The following MIS18A variants were observed in gnomAD, a reference collection of about 807,000 sequenced individuals.
MIS18A encodes protein Mis18-alpha.
In MIS18A, 14 loss-of-function variants were observed where a neutral mutation model predicts 25.0. That is an observed-to-expected ratio of 0.56 (90% CI 0.37 to 0.88). The LOEUF is 0.88. Among genes scored for constraint, MIS18A ranks in the 40% least tolerant of loss-of-function variants. The pLI is 0.00. For missense variants in MIS18A, 292 were observed against 290.8 expected, an observed-to-expected ratio of 1.00 and a Z score of -0.03; for synonymous variants, 134 against 118.6, an observed-to-expected ratio of 1.13 and a Z score of -0.84.
At chr21:32,272,322 C>A (rs1435095297) in intron 2 of MIS18A, among the ~76,000 whole-genome samples, 2 of 152,220 alleles carry the variant, frequency 1.3e-5, no homozygotes, top group Non-Finnish European at 2.9e-5. Flanking sequence ...TGACCATCAG[C>A]AGAAAGGCTC....
the MIS18A span, among the ~76,000 whole-genome samples, chr21:32,212,125 G>A: frequency 2.0e-5 from 3 of 152,318 alleles, no homozygotes; most frequent in Non-Finnish European, 4.4e-5. Flanking sequence ...GCAGGACAGA[G>A]GTGAGTTAAG....
Position 32,268,847 on chromosome 21 carries a change from G to C in MIS18A, c.*190C>G. The C allele has an allele frequency of 2.3e-6, 1 of 436,874 alleles. No individual in the cohort carries two copies. The highest frequency in any genetic ancestry group is 6.9e-5 in the South Asian group (1 of 14,460). The allele number at this position is 436,874 out of a possible 1,614,324, so 27.1% of individuals were successfully genotyped here. ...CTGTTGCCCAGACTAGAACACAGTAGTGGCATGACCAAGGCTCACTGCAGC... is the reference window on the plus strand; with the variant it reads ...CTGTTGCCCAGACTAGAACACAGTACTGGCATGACCAAGGCTCACTGCAGC... On this transcript the variant is annotated 3_prime_UTR_variant, in exon 5 of 5. Transcript: ENST00000290130.
rs760258702 is a variant in MIS18A at position 32,269,706 on chromosome 21, C to G, written c.621+1G>C. The G allele has an allele frequency of 6.6e-7, 1 of 1,526,112 alleles. No homozygotes were observed. Among genetic ancestry groups the G allele is most frequent in the Non-Finnish European group, 9.1e-7 (1 of 1,100,612 alleles). 94.5% of individuals were successfully genotyped at this position (1,526,112 alleles called of 1,614,324 possible). ...ATATAAAATGTACAGAATAAAATTA[C>G]CTGTGTTAGAGACTTTTCTATTTCA... On this transcript the variant is annotated splice_donor_variant, in intron 4 of 4. Coordinates refer to ENST00000290130, the MANE Select transcript of MIS18A (RefSeq NM_018944.3). LOFTEE classifies it high-confidence loss of function.
chr21:32,171,313 A>G, the MIS18A span, among the ~76,000 whole-genome samples: 2 of 152,128 alleles, frequency 1.3e-5, no homozygotes, highest in African/African-American at 4.8e-5. Context: ...AGTCTACAAG[A>G]TCAATATACA....
the MIS18A span, among the ~76,000 whole-genome samples, chr21:32,210,216 A>C: frequency 1.1e-4 from 16 of 152,348 alleles, no homozygotes; most frequent in East Asian, 2.9e-3. Context: ...TCATGCTTAC[A>C]ATGGGAATAA....
At chr21:32,273,585 G>A (rs1304781757) in intron 2 of MIS18A, among the ~76,000 whole-genome samples, 5 of 152,074 alleles carry the variant, frequency 3.3e-5, no homozygotes, top group Non-Finnish European at 7.4e-5. Flanking sequence ...TCAAGAAATC[G>A]AAAGGGTTTT....
chr21:32,266,293 C>T (rs536431175), downstream of MIS18A, among the ~76,000 whole-genome samples: 57 of 152,260 alleles, frequency 3.7e-4, no homozygotes, highest in East Asian at 2.1e-3. Context: ...GGATTGTAAA[C>T]GCACCAATCA....
chr21:32,245,480 A>G, the MIS18A span, among the ~76,000 whole-genome samples: 1 of 152,186 alleles, frequency 6.6e-6, no homozygotes, highest in Non-Finnish European at 1.5e-5. Context: ...TCTGCATTAT[A>G]AGAGGAATTC....
Position 32,278,895 on chromosome 21 carries a change from G to C in MIS18A, c.120C>G (p.Ser40Arg). The change falls in exon 1 of 5, where the codon AGC becomes AGG. Residue 40 changes from serine (S) to arginine (R), a missense_variant. Coordinates refer to ENST00000290130, the MANE Select transcript of MIS18A (RefSeq NM_018944.3). ...LLGKRLSEDS[S>R]RHQLLQKWAS... ...CCCACTTCTGCAACAGCTGGTGGCG[G>C]CTCGAGTCTTCGGAGAGTCTCTTGC... The C allele has an allele frequency of 6.2e-7, 1 of 1,613,330 alleles. No homozygotes were observed. Among genetic ancestry groups the C allele is most frequent in the Non-Finnish European group, 8.5e-7 (1 of 1,179,958 alleles).
At position 32,278,991 on chromosome 21, in the gene MIS18A, C is replaced by T. The variant is rs773790190; in HGVS notation, c.24G>A (p.Arg8=). 2.5e-6 allele frequency: 4 copies of T among 1,602,918 alleles called. No homozygotes were observed. Among genetic ancestry groups the T allele is most frequent in the African/African-American group, 1.3e-5 (1 of 74,814 alleles). The change falls in exon 1 of 5, where the codon AGG becomes AGA. Residue 8 remains arginine, a synonymous_variant. Coordinates refer to ENST00000290130, the MANE Select transcript of MIS18A (RefSeq NM_018944.3). ...AGCCGCCAGCGCATCCTCTGCTACA[C>T]CTCAGTGACCGAACGCCTGCCATTA... The part of the protein sequence containing the change: MAGVRSL[R]CSRGCAGGCE...
chr21:32,254,212 CA>C, the MIS18A span, among the ~76,000 whole-genome samples: 1 of 139,482 alleles, frequency 7.2e-6, no homozygotes, highest in Non-Finnish European at 1.6e-5. Context: ...GCCTGGGCGA[CA>C]GAGTGAGACT....
At chr21:32,278,322 G>A (rs2031855826) in intron 1 of MIS18A, 1 of 268,830 alleles carries the variant, frequency 3.7e-6, no homozygotes, top group Non-Finnish European at 7.0e-6. Flanking sequence ...GGGAGTAATA[G>A]TACTGGCTGC....
chr21:32,252,284 G>T, the MIS18A span, among the ~76,000 whole-genome samples: 1 of 140,254 alleles, frequency 7.1e-6, no homozygotes, highest in Non-Finnish European at 1.5e-5. Flanking sequence ...GGAGGAGGAA[G>T]AGAGAAGAGG....
At chr21:32,247,384 A>G in the MIS18A span, among the ~76,000 whole-genome samples, 3 of 152,198 alleles carry the variant, frequency 2.0e-5, no homozygotes, top group African/African-American at 7.2e-5. Context: ...TGCAGAGAGA[A>G]GAAAAGAGTA....
chr21:32,182,414 C>T, the MIS18A span, among the ~76,000 whole-genome samples: 5 of 152,194 alleles, frequency 3.3e-5, no homozygotes, highest in Non-Finnish European at 7.3e-5. Context: ...CCCACAAACA[C>T]ACACAAAAGG....
At chr21:32,201,761 C>T in the MIS18A span, among the ~76,000 whole-genome samples, 1 of 152,004 alleles carries the variant, frequency 6.6e-6, no homozygotes, top group East Asian at 1.9e-4. Context: ...TGCAGTGGAG[C>T]TATGATCATG....
chr21:32,214,326 T>C, the MIS18A span, among the ~76,000 whole-genome samples: 1 of 152,040 alleles, frequency 6.6e-6, no homozygotes, highest in Non-Finnish European at 1.5e-5. Context: ...ATCTAGAGAG[T>C]GCATTGGACC....
At chr21:32,259,919 A>G in the MIS18A span, 1 of 152,240 alleles carries the variant, frequency 6.6e-6, no homozygotes, top group Non-Finnish European at 1.5e-5. Flanking sequence ...CATGTAAATG[A>G]GCTCAATTTG....
chr21:32,155,537 A>G, the MIS18A span, among the ~76,000 whole-genome samples: 6 of 152,248 alleles, frequency 3.9e-5, no homozygotes, highest in African/African-American at 9.6e-5. Context: ...TGACAGTTAT[A>G]ACAGTAATTT....
Sources: allele counts gnomAD v4.1 joint callset (sites outside exome capture counted in the v4.1 genomes callset), GRCh38; gene constraint gnomAD v4.1.1; transcripts MANE v1.5; gene names NCBI Gene and HGNC (gene_info 2026-07-23, HGNC 2026-07-21).